ZBTB10: variants seen among roughly 807,000 people sequenced by gnomAD.
ZBTB10 encodes the protein zinc finger and BTB domain-containing protein 10.
ZBTB10 carries 32 observed loss-of-function variants against 76.4 expected under a neutral mutation model. The ratio of observed to expected loss-of-function variants is 0.42; its 90% CI spans 0.32 to 0.56. ZBTB10 has a LOEUF of 0.56. Ranked by LOEUF, ZBTB10 falls within the 20% of genes least tolerant of loss-of-function variation. The pLI is 0.14. For synonymous variants in ZBTB10, 523 were observed against 432.9 expected (o/e 1.21, Z -2.58); for missense variants, 1,057 against 1,098.5 (o/e 0.96, Z 0.53).
At chr8:80,490,138 T>C (rs952700373) in intron 1 of ZBTB10, among the ~76,000 whole-genome samples, 1 of 152,240 alleles carries the variant, frequency 6.6e-6, no homozygotes, top group Admixed American at 6.5e-5. Context: ...GTCAGAGGAC[T>C]TTGCTCTTAA....
intron 2 of ZBTB10, among the ~76,000 whole-genome samples, chr8:80,501,448 TCCA>T (rs1815922121): frequency 6.6e-6 from 1 of 152,236 alleles, no homozygotes; most frequent in Non-Finnish European, 1.5e-5. Context: ...CTGAGGCTTG[TCCA>T]CCACTGTCAT....
intron 2 of ZBTB10, among the ~76,000 whole-genome samples, chr8:80,508,829 A>G (rs1267707393): frequency 1.3e-5 from 2 of 152,204 alleles, no homozygotes; most frequent in African/African-American, 2.4e-5. Flanking sequence ...GTATTGTAAT[A>G]AATTCTGACT....
At chr8:80,518,313 G>C in intron 3 of ZBTB10, 90 bp from the exon 4 acceptor site, 1 of 1,241,020 alleles carries the variant, frequency 8.1e-7, no homozygotes, top group Non-Finnish European at 1.1e-6. Flanking sequence ...CATAATGCCT[G>C]TAGGATATAA....
In ZBTB10 at chr8:80,519,289, G is replaced by A; in HGVS notation, c.2377G>A (p.Val793Ile). 6.2e-7 allele frequency: 1 copy of A among 1,613,832 alleles called. No individual in the cohort carries two copies. The highest frequency in any genetic ancestry group is 8.5e-7 in the Non-Finnish European group (1 of 1,179,796). ...GAAGATCTTCATGTTAGCAGCCAGT[G>A]TTGGAATAAGACATGGATCTCGACG... is the stretch of plus-strand genomic sequence containing the variant. ...CKKIFMLAASVGIRHGSRRYG... is the reference protein window; with the variant it reads ...CKKIFMLAASIGIRHGSRRYG... Residue 793 changes from valine to isoleucine, a missense_variant, in exon 6 of 6, where the codon GTT becomes ATT. Coordinates refer to ENST00000455036, the MANE Select transcript of ZBTB10 (RefSeq NM_001105539.3).
chr8:80,497,912 C>G (rs531243715), intron 1 of ZBTB10, among the ~76,000 whole-genome samples: 1 of 152,050 alleles, frequency 6.6e-6, no homozygotes, highest in South Asian at 2.1e-4. Context: ...ATCTACCCAC[C>G]TCAGCCTTTC....
chr8:80,487,789 T>C lies in ZBTB10; in HGVS notation c.972+7T>C, dbSNP rs987979192. On this transcript the variant is annotated splice_region_variant and intron_variant, in intron 1 of 5. Coordinates refer to ENST00000455036, the MANE Select transcript of ZBTB10 (RefSeq NM_001105539.3). ...CCACGAAGCCAACGCCCAGGTACAG[T>C]ATATCCTGCTCCTACTTTTTTGAGA... The C allele has an allele frequency of 6.4e-7, 1 of 1,567,552 alleles. No individual in the cohort carries two copies. Among genetic ancestry groups the C allele is most frequent in the Non-Finnish European group, 8.6e-7 (1 of 1,158,400 alleles).
At chr8:80,519,172 A>G (rs1238340329) in intron 5 of ZBTB10, 51 bp from the exon 6 acceptor site, 1 of 1,543,428 alleles carries the variant, frequency 6.5e-7, no homozygotes. Flanking sequence ...GTTCAAATGC[A>G]TTCTATTATA....
At chr8:80,495,718 A>G (rs1033092944) in intron 1 of ZBTB10, among the ~76,000 whole-genome samples, 3 of 152,078 alleles carry the variant, frequency 2.0e-5, no homozygotes, top group Admixed American at 6.6e-5. Flanking sequence ...CTTTTCAAGC[A>G]TTTTCCTTTG....
At chr8:80,500,908 G>A (rs1020694639) in intron 2 of ZBTB10, among the ~76,000 whole-genome samples, 2 of 152,014 alleles carry the variant, frequency 1.3e-5, no homozygotes, top group South Asian at 2.1e-4. Context: ...TTTTTGAGTC[G>A]GAGTCTCACT....
At chr8:80,489,388 T>C (rs1391601953) in intron 1 of ZBTB10, among the ~76,000 whole-genome samples, 8 of 152,086 alleles carry the variant, frequency 5.3e-5, no homozygotes, top group African/African-American at 1.9e-4. Context: ...GATGATGGAG[T>C]TGCAAGGGAC....
intron 2 of ZBTB10, among the ~76,000 whole-genome samples, chr8:80,512,135 G>T (rs901983869): frequency 6.6e-6 from 1 of 152,060 alleles, no homozygotes; most frequent in Non-Finnish European, 1.5e-5. Context: ...CTTGTTCATT[G>T]TTCTGACTTC....
intron 1 of ZBTB10, among the ~76,000 whole-genome samples, chr8:80,495,880 C>A (rs879565874): frequency 6.6e-6 from 1 of 152,152 alleles, no homozygotes; most frequent in Non-Finnish European, 1.5e-5. Context: ...TAAAGTTTTA[C>A]TAAATGGCAT....
intron 2 of ZBTB10, among the ~76,000 whole-genome samples, chr8:80,501,391 A>G (rs1815920985): frequency 6.6e-6 from 1 of 152,350 alleles, no homozygotes; most frequent in Non-Finnish European, 1.5e-5. Context: ...GGCTGTGCAT[A>G]TCTTTATTTG....
chr8:80,486,835 A>G lies in ZBTB10; in HGVS notation c.25A>G (p.Arg9Gly). ...CATGTCGTTCAGTGAAATGAACCGC[A>G]GGACGCTGGCGTTCCGAGGAGGCGG... MSFSEMNR[R>G]TLAFRGGGLV... Residue 9 changes from arginine to glycine, a missense_variant, in exon 1 of 6, where the codon AGG (arginine) becomes GGG (glycine). By Grantham distance (125) the Arg-to-Gly change is moderately radical. Transcript: ENST00000455036. 6.7e-7 allele frequency: 1 copy of G among 1,498,808 alleles called. No homozygotes were observed. Among genetic ancestry groups the G allele is most frequent in the Non-Finnish European group, 8.9e-7 (1 of 1,126,668 alleles). The allele number at this position is 1,498,808 out of a possible 1,614,324, so 92.8% of individuals were successfully genotyped here.
At chr8:80,489,292 A>T (rs1015073310) in intron 1 of ZBTB10, among the ~76,000 whole-genome samples, 4 of 152,228 alleles carry the variant, frequency 2.6e-5, no homozygotes, top group Non-Finnish European at 5.9e-5. Context: ...TTTATTCTGC[A>T]AAGTATTTAT....
chr8:80,499,842 A>G lies in ZBTB10; in HGVS notation c.1321A>G (p.Thr441Ala). 6.2e-7 allele frequency: 1 copy of G among 1,613,970 alleles called. No individual in the cohort carries two copies. Among genetic ancestry groups the G allele is most frequent in the Non-Finnish European group, 8.5e-7 (1 of 1,179,870 alleles). The stretch of plus-strand genomic sequence containing the variant: ...AAGCCAAAATGCCATTGAAGTTATG[A>G]CCGTGGCCAGCTATCTTCAAATGAG... ...LTSQNAIEVMTVASYLQMSEV... is the reference protein window; with the variant it reads ...LTSQNAIEVMAVASYLQMSEV... The change falls in exon 2 of 6, where the codon ACC becomes GCC. Residue 441 changes from threonine (T) to alanine (A), a missense_variant. Coordinates refer to ENST00000455036, the MANE Select transcript of ZBTB10 (RefSeq NM_001105539.3).
intron 3 of ZBTB10, among the ~76,000 whole-genome samples, chr8:80,516,373 A>G (rs1309186829): frequency 6.6e-6 from 1 of 152,262 alleles, no homozygotes; most frequent in Non-Finnish European, 1.5e-5. Flanking sequence ...AAGTAATTGT[A>G]GGGCATGTGT....
intron 1 of ZBTB10, among the ~76,000 whole-genome samples, chr8:80,493,699 G>C (rs191014857): frequency 6.6e-6 from 1 of 150,876 alleles, no homozygotes; most frequent in Non-Finnish European, 1.5e-5. Context: ...GCGTGGTGGC[G>C]CATGCCTGTA....
Position 80,486,601 on chromosome 8 carries a change from C to G in ZBTB10, c.-210C>G, listed in dbSNP as rs1481720119. 1.0e-6 allele frequency: 1 copy of G among 987,066 alleles called. No individual in the cohort carries two copies. Among genetic ancestry groups the G allele is most frequent in the Non-Finnish European group, 1.2e-6 (1 of 831,434 alleles). The allele number at this position is 987,066 out of a possible 1,614,324, so 61.1% of individuals were successfully genotyped here. ...CGAGAGAGCGGTCGGAGGCGTCGGCCCGGCAGCGGCAGCGGCAGCGGACGC... is the reference window on the plus strand; with the variant it reads ...CGAGAGAGCGGTCGGAGGCGTCGGCGCGGCAGCGGCAGCGGCAGCGGACGC... On this transcript the variant is annotated 5_prime_UTR_variant, in exon 1 of 6. Transcript: ENST00000455036.
Sources: gnomAD v4.1 joint callset for allele counts (sites outside exome capture counted in the v4.1 genomes callset) on GRCh38, gnomAD v4.1.1 for gene constraint, MANE v1.5 for transcripts, NCBI Gene and HGNC (gene_info 2026-07-23, HGNC 2026-07-21) for gene names.